The following SOX5 variants were observed in gnomAD, a reference collection of about 807,000 sequenced individuals.
The protein encoded by SOX5 is SRY-box transcription factor 5.
Under a neutral mutation model 92.0 loss-of-function variants are expected in SOX5, and 9 were observed. That is an observed-to-expected ratio of 0.10 (90% CI 0.06 to 0.17). The LOEUF (loss-of-function observed/expected upper bound fraction) is 0.17. SOX5 is among the 10% of genes least tolerant of loss of function. The pLI is 1.00. For synonymous variants in SOX5, 344 were observed against 336.3 expected (o/e 1.02, Z -0.25); for missense variants, 642 against 944.5 (o/e 0.68, Z 4.20).
At chr12:23,941,656 G>C (rs1006075576) in intron 1 of SOX5, among the ~76,000 whole-genome samples, 1 of 151,404 alleles carries the variant, frequency 6.6e-6, no homozygotes, top group African/African-American at 2.4e-5. Context: ...AATAGATAAT[G>C]CTGTATCATA....
chr12:24,014,276 A>G (rs1953311164), intron 4 of SOX5, among the ~76,000 whole-genome samples: 1 of 152,182 alleles, frequency 6.6e-6, no homozygotes, highest in Admixed American at 6.6e-5. Flanking sequence ...ATGTCATCAC[A>G]TATAACCTTC....
intron 2 of SOX5, among the ~76,000 whole-genome samples, chr12:24,339,075 T>C (rs193183063): frequency 6.6e-6 from 1 of 152,138 alleles, no homozygotes; most frequent in East Asian, 1.9e-4. Flanking sequence ...CTTCCCTCTT[T>C]TGGAGCTTAC....
chr12:23,857,152 G>T (rs1265110202), intron 2 of SOX5, among the ~76,000 whole-genome samples: 1 of 152,106 alleles, frequency 6.6e-6, no homozygotes, highest in African/African-American at 2.4e-5. Context: ...TTAACCAAAA[G>T]AAATGAAGAA....
chr12:24,420,219 CT>C (rs1965704514), intron 1 of SOX5, among the ~76,000 whole-genome samples: 1 of 152,126 alleles, frequency 6.6e-6, no homozygotes, highest in Admixed American at 6.5e-5. Flanking sequence ...CTATTTAGGC[CT>C]ATAAATAAAG....
intron 3 of SOX5, among the ~76,000 whole-genome samples, chr12:23,794,060 G>A (rs1045513439): frequency 6.6e-6 from 1 of 152,042 alleles, no homozygotes; most frequent in African/African-American, 2.4e-5. Flanking sequence ...AATGTTTAAT[G>A]TAATATGAAT....
intron 1 of SOX5, among the ~76,000 whole-genome samples, chr12:23,946,589 C>T (rs1246378046): frequency 6.6e-6 from 1 of 151,934 alleles, no homozygotes; most frequent in African/African-American, 2.4e-5. Flanking sequence ...CACAATTTTT[C>T]ATTATCTACT....
At chr12:24,376,192 C>T (rs1957242943) in intron 1 of SOX5, among the ~76,000 whole-genome samples, 1 of 152,198 alleles carries the variant, frequency 6.6e-6, no homozygotes. Flanking sequence ...GTCATTGCTC[C>T]TTTTACAAAT....
rs190173766 is a variant in SOX5, at chr12:24,091,646, A to C, written c.-2+121697T>G. ...TAGCAAATTTTAATAAAATAGTCCC[A>C]TAATCAGATGAGACAGAGGCAAACG... On this transcript the variant is annotated intron_variant, in intron 4 of 4. Coordinates refer to the SOX5 transcript ENST00000446891. Among the ~76,000 whole-genome samples, 648 of 152,214 alleles carry C rather than the reference A, an allele frequency of 4.3e-3. 2 individuals are homozygous for C. Among genetic ancestry groups the C allele is most frequent in the Non-Finnish European group, 7.6e-3 (516 of 68,010 alleles).
chr12:24,224,502 G>A (rs1001008306), intron 3 of SOX5, among the ~76,000 whole-genome samples: 6 of 152,012 alleles, frequency 3.9e-5, no homozygotes, highest in African/African-American at 1.5e-4. Context: ...CAAATGAAAT[G>A]TAAATAAGAT....
intron 6 of SOX5, among the ~76,000 whole-genome samples, chr12:23,692,307 G>A (rs1257531242): frequency 2.0e-5 from 3 of 151,558 alleles, no homozygotes; most frequent in African/African-American, 4.8e-5. Context: ...CATGGCAGCC[G>A]GCGCCTGTAA....
At chr12:23,639,411 T>G (rs909015766) in intron 8 of SOX5, among the ~76,000 whole-genome samples, 7 of 152,182 alleles carry the variant, frequency 4.6e-5, no homozygotes, top group Non-Finnish European at 8.8e-5. Flanking sequence ...AATGTCTAAC[T>G]TGCTTTGAAA....
At chr12:23,882,664 T>C (rs1393975733) in intron 2 of SOX5, among the ~76,000 whole-genome samples, 1 of 152,164 alleles carries the variant, frequency 6.6e-6, no homozygotes, top group Non-Finnish European at 1.5e-5. Flanking sequence ...AGGGAGTTCA[T>C]ACTAACTGAA....
chr12:23,537,629 C>T (rs754094644), intron 13 of SOX5, among the ~76,000 whole-genome samples: 4 of 152,176 alleles, frequency 2.6e-5, no homozygotes, highest in African/African-American at 7.2e-5. Flanking sequence ...TTCCCCCTTT[C>T]TTTTCACTAT....
intron 2 of SOX5, among the ~76,000 whole-genome samples, chr12:23,852,784 G>A (rs1412985949): frequency 6.6e-6 from 1 of 152,050 alleles, no homozygotes; most frequent in African/African-American, 2.4e-5. Flanking sequence ...CATCACCGGG[G>A]AACACTTTCA....
At chr12:24,361,968 G>A (rs1192825580) in intron 2 of SOX5, among the ~76,000 whole-genome samples, 2 of 152,228 alleles carry the variant, frequency 1.3e-5, no homozygotes, top group Non-Finnish European at 2.9e-5. Context: ...CTCCCTTCCA[G>A]AAGATGAACA....
chr12:23,567,420 T>C (rs561551425), intron 10 of SOX5, among the ~76,000 whole-genome samples: 1 of 152,052 alleles, frequency 6.6e-6, no homozygotes, highest in South Asian at 2.1e-4. Flanking sequence ...GTAAGAAATT[T>C]GTGAGATTCT....
At chr12:24,291,752 C>T (rs1522229) in intron 2 of SOX5, among the ~76,000 whole-genome samples, 68,740 of 151,998 alleles carry the variant, frequency 0.45, 16,422 homozygotes, top group African/African-American at 0.61. Flanking sequence ...GACAAGTATA[C>T]TGACTAAATG....
At chr12:24,209,129 T>A (rs190882863) in intron 4 of SOX5, among the ~76,000 whole-genome samples, 1 of 152,200 alleles carries the variant, frequency 6.6e-6, no homozygotes, top group Admixed American at 6.5e-5. Flanking sequence ...AATATTTTGC[T>A]TCTAGTAATG....
At chr12:23,764,515 C>T (rs1446948826) in intron 3 of SOX5, among the ~76,000 whole-genome samples, 2 of 151,872 alleles carry the variant, frequency 1.3e-5, no homozygotes, top group East Asian at 1.9e-4. Flanking sequence ...GATGAGAGTG[C>T]GTAGTTCTGA....
Sources: gnomAD v4.1 joint callset for allele counts (sites outside exome capture counted in the v4.1 genomes callset) on GRCh38, gnomAD v4.1.1 for gene constraint, MANE v1.5 for transcripts, NCBI Gene and HGNC (gene_info 2026-07-23, HGNC 2026-07-21) for gene names.